DIS3: variants seen among roughly 807,000 people sequenced by gnomAD.
DIS3 encodes DIS3 exosome endoribonuclease and 3'-5' exoribonuclease, also known as exosome complex exonuclease RRP44.
DIS3 carries 103 observed loss-of-function variants against 113.0 expected under a neutral mutation model. The observed-to-expected ratio is 0.91, with a 90% CI of 0.78 to 1.07. DIS3 has a LOEUF of 1.07. Ranked by LOEUF, DIS3 falls within the 50% of genes least tolerant of loss-of-function variation. The pLI is 0.00. For missense variants in DIS3, 1,121 were observed against 1,167.1 expected (o/e 0.96, Z 0.58); for synonymous variants, 402 against 394.3 (o/e 1.02, Z -0.23).
intron 14 of DIS3, 83 bp from the exon 15 acceptor site, chr13:72,766,141 C>T (rs1398156996): frequency 1.7e-6 from 2 of 1,147,758 alleles, no homozygotes; most frequent in African/African-American, 1.6e-5. Flanking sequence ...TTAAAAAAGA[C>T]AATGACTACA....
rs1358657368 is a variant in DIS3, at chr13:72,759,766, C to G, written c.*29G>C. On this transcript the variant is annotated 3_prime_UTR_variant, in exon 21 of 21. Transcript: ENST00000377767. ...AAGTTTTTTCTTTTAAAAAAGAAAC[C>G]AGTCTTTGAAGATTTTTGTTGAATA... 2 of 1,576,994 alleles carry G rather than the reference C, an allele frequency of 1.3e-6. No homozygotes were observed. The highest frequency in any genetic ancestry group is 2.3e-5 in the South Asian group (2 of 87,622).
Position 72,766,014 on chromosome 13 carries a change from C to G in DIS3, c.1928G>C (p.Ser643Thr). 6.2e-7 allele frequency: 1 copy of G among 1,611,992 alleles called. No homozygotes were observed. The highest frequency in any genetic ancestry group is 8.5e-7 in the Non-Finnish European group (1 of 1,178,850). The change falls in exon 15 of 21, where the codon AGT becomes ACT. Residue 643 changes from serine to threonine, a missense_variant. Coordinates refer to ENST00000377767, the MANE Select transcript of DIS3 (RefSeq NM_014953.5). ...CAGATCTATAGGATCGTGAGTTTCA[C>G]TGTCCATGTGGAATCGAACTTCAGG... ...SSPEVRFHMD[S>T]ETHDPIDLQT... is the part of the protein sequence containing the mutation.
intron 15 of DIS3, among the ~76,000 whole-genome samples, chr13:72,765,409 C>A (rs1297522302): frequency 6.6e-6 from 1 of 152,112 alleles, no homozygotes; most frequent in Non-Finnish European, 1.5e-5. Flanking sequence ...TCTATCCTAC[C>A]CCCATCTTTC....
chr13:72,769,245 C>T (rs1163219474), intron 13 of DIS3, among the ~76,000 whole-genome samples: 1 of 152,100 alleles, frequency 6.6e-6, no homozygotes, highest in Non-Finnish European at 1.5e-5. Context: ...TAGGTTAGAT[C>T]GATTCCTTCT....
chr13:72,779,983 T>C (rs1294042602), intron 2 of DIS3, among the ~76,000 whole-genome samples: 1 of 152,120 alleles, frequency 6.6e-6, no homozygotes, highest in Non-Finnish European at 1.5e-5. Flanking sequence ...TATCATATTT[T>C]TGAGACCACA....
Position 72,773,810 on chromosome 13 carries a change from A to G in DIS3, c.1113T>C (p.His371=). The change falls in exon 8 of 21, where the codon CAT becomes CAC. Residue 371 remains histidine (H), a synonymous_variant. Coordinates refer to ENST00000377767, the MANE Select transcript of DIS3 (RefSeq NM_014953.5). ...SKSDIKESRR[H]LFTPADKRIP... ...TTCTCTTATCAGCAGGTGTAAAGAGATGTCTTCTTGACTAGCAAAAATTAG... is the reference window on the plus strand; with the variant it reads ...TTCTCTTATCAGCAGGTGTAAAGAGGTGTCTTCTTGACTAGCAAAAATTAG... The G allele has an allele frequency of 6.2e-7, 1 of 1,611,234 alleles. No individual in the cohort carries two copies. Among genetic ancestry groups the G allele is most frequent in the African/African-American group, 1.3e-5 (1 of 74,904 alleles).
chr13:72,771,813 A>T lies in DIS3; in HGVS notation c.1587T>A (p.Thr529=). ...LDQESARRGT[T]VYLCEKRIDM... ...CATTTACCTTTTCACAAAGATACAC[A>T]GTTGTTCCTCTTCTGGCTGATTCTT... is the stretch of plus-strand genomic sequence containing the variant. The change falls in exon 11 of 21, where the codon ACT becomes ACA. Residue 529 remains threonine, a synonymous_variant. Coordinates refer to ENST00000377767, the MANE Select transcript of DIS3 (RefSeq NM_014953.5). The T allele has an allele frequency of 6.2e-7, 1 of 1,613,740 alleles. No homozygotes were observed. Among genetic ancestry groups the T allele is most frequent in the Non-Finnish European group, 8.5e-7 (1 of 1,179,864 alleles).
intron 14 of DIS3, among the ~76,000 whole-genome samples, chr13:72,767,454 T>A (rs1334640577): frequency 2.0e-5 from 3 of 152,164 alleles, no homozygotes; most frequent in African/African-American, 7.2e-5. Flanking sequence ...CAAGCTTGAG[T>A]GAAAGTTTTG....
At position 72,781,668 on chromosome 13, in the gene DIS3, C is replaced by T. The variant is rs772513307; in HGVS notation, c.165G>A (p.Pro55=). 1.3e-6 allele frequency: 2 copies of T among 1,549,512 alleles called. No homozygotes were observed. The highest frequency in any genetic ancestry group is 2.4e-5 in the South Asian group (2 of 84,350). Reference sequence around the variant, plus strand: ...GCGGTTGCGGGCAGACGCTGCTCGCCGGGTCCTGGGGCTGCGGCTCCAGGG... The same window carrying T: ...GCGGTTGCGGGCAGACGCTGCTCGCTGGGTCCTGGGGCTGCGGCTCCAGGG... ...GPALEPQPQD[P]ASSVCPQPHY... The change falls in exon 1 of 21, where the codon CCG becomes CCA. Residue 55 remains proline (P), a synonymous_variant. Coordinates refer to ENST00000377767, the MANE Select transcript of DIS3 (RefSeq NM_014953.5).
chr13:72,774,279 C>A (rs576557631), intron 6 of DIS3, among the ~76,000 whole-genome samples: 4 of 152,142 alleles, frequency 2.6e-5, no homozygotes, highest in African/African-American at 9.6e-5. Context: ...ACAAAACAAT[C>A]AAAAAGCAAA....
intron 15 of DIS3, among the ~76,000 whole-genome samples, chr13:72,764,570 T>C (rs1326317905): frequency 1.3e-5 from 2 of 152,204 alleles, no homozygotes; most frequent in Non-Finnish European, 2.9e-5. Flanking sequence ...TCAAAACTCT[T>C]AACCAATCTG....
chr13:72,773,885 G>T, intron 7 of DIS3, 61 bp downstream of exon 7: 1 of 1,591,324 alleles, frequency 6.3e-7, no homozygotes, highest in Non-Finnish European at 8.5e-7. Flanking sequence ...CAAAAGAAAG[G>T]CTATAAGTTC....
At position 72,771,899 on chromosome 13, in the gene DIS3, T is replaced by C. The variant is rs377091491; in HGVS notation, c.1504-3A>G. The C allele has an allele frequency of 4.3e-6, 7 of 1,610,756 alleles. No homozygotes were observed. The highest frequency in any genetic ancestry group is 1.3e-5 in the African/African-American group (1 of 74,708). ...ACATCAGCAATATGAACACCAACCT[T>C]AAAAAGATAAAAATAAAAGGATGTC... is the stretch of plus-strand genomic sequence containing the variant. On this transcript the variant is annotated splice_polypyrimidine_tract_variant and splice_region_variant and intron_variant, in intron 10 of 20. Coordinates refer to ENST00000377767, the MANE Select transcript of DIS3 (RefSeq NM_014953.5).
At position 72,759,898 on chromosome 13, in the gene DIS3, G is replaced by C; in HGVS notation, c.2794-20C>G. ...TGGTATCTAAAGTAATGCAAATGGG[G>C]GGAAATAAGGTGATTTAAAGGATAG... On this transcript the variant is annotated intron_variant, in intron 20 of 20. Coordinates refer to ENST00000377767, the MANE Select transcript of DIS3 (RefSeq NM_014953.5). 1 of 1,575,964 alleles carries C rather than the reference G, an allele frequency of 6.3e-7. No homozygotes were observed. The highest frequency in any genetic ancestry group is 8.7e-7 in the Non-Finnish European group (1 of 1,147,620).
At chr13:72,770,880 G>A (rs1460512090) in intron 13 of DIS3, 24 bp downstream of exon 13, 2 of 1,507,734 alleles carry the variant, frequency 1.3e-6, no homozygotes, top group East Asian at 4.6e-5. Flanking sequence ...TTAAAAATTA[G>A]AGATTAATAG....
chr13:72,772,076 CA>C (rs1323086437), intron 10 of DIS3, 82 bp downstream of exon 10: 2 of 1,321,316 alleles, frequency 1.5e-6, no homozygotes, highest in African/African-American at 2.9e-5. Context: ...GAGTAATTAA[CA>C]AGCAAATTCT....
Position 72,753,644 on chromosome 13 carries a change from CTT to C in DIS3, c.*6149_*6150del. ...GTGGTTTACTTATTTAAATATTTGA[CTT>C]TTAAGTTCCTCACAATATATTTTTT... On this transcript the variant is annotated 3_prime_UTR_variant, in exon 21 of 21. Transcript: ENST00000377767. The C allele has an allele frequency of 6.4e-7, 1 of 1,571,380 alleles. No homozygotes were observed. Among genetic ancestry groups the C allele is most frequent in the South Asian group, 1.2e-5 (1 of 85,482 alleles).
chr13:72,767,772 T>C (rs537542087), intron 14 of DIS3, among the ~76,000 whole-genome samples: 2 of 152,216 alleles, frequency 1.3e-5, no homozygotes, highest in Non-Finnish European at 2.9e-5. Context: ...GCGCATCTTA[T>C]GAAATGACAC....
chr13:72,763,408 A>G (rs1217990047), intron 16 of DIS3, 43 bp downstream of exon 16: 1 of 1,560,244 alleles, frequency 6.4e-7, no homozygotes, highest in East Asian at 2.3e-5. Flanking sequence ...CAACAGGTAG[A>G]TCAAAACACA....
Sources: gnomAD v4.1 joint callset for allele counts (sites outside exome capture counted in the v4.1 genomes callset) on GRCh38, gnomAD v4.1.1 for gene constraint, MANE v1.5 for transcripts, NCBI Gene and HGNC (gene_info 2026-07-23, HGNC 2026-07-21) for gene names.